Variants in HLCS observed in about 807,000 individuals in gnomAD.
The protein encoded by HLCS is biotin--protein ligase.
Under a neutral mutation model 75.0 loss-of-function variants are expected in HLCS, and 53 were observed. That is an observed-to-expected ratio of 0.71 (90% confidence interval 0.57 to 0.89). The LOEUF (loss-of-function observed/expected upper bound fraction) is 0.89, where lower values mean the gene tolerates loss of function less well. HLCS is among the 40% of genes least tolerant of loss of function. HLCS has a pLI of 0.00. For missense variants in HLCS, 966 were observed against 1,074.0 expected (o/e 0.90, Z 1.41); for synonymous variants, 431 against 428.6 (o/e 1.01, Z -0.07).
At chr21:36,801,803 T>A (rs554343659) in intron 6 of HLCS, among the ~76,000 whole-genome samples, 21 of 152,132 alleles carry the variant, frequency 1.4e-4, no homozygotes, top group South Asian at 4.2e-4. Context: ...TTAAATTTTT[T>A]AATTTCTTTT....
intron 1 of HLCS, among the ~76,000 whole-genome samples, chr21:36,963,336 A>T (rs1219165724): frequency 6.6e-6 from 1 of 152,240 alleles, no homozygotes; most frequent in Non-Finnish European, 1.5e-5. Context: ...GTAACTAGGC[A>T]GGCTCCACTG....
intron 6 of HLCS, among the ~76,000 whole-genome samples, chr21:36,856,622 A>T (rs2063202544): frequency 6.6e-6 from 1 of 152,198 alleles, no homozygotes; most frequent in Admixed American, 6.5e-5. Context: ...AAACTGTTCT[A>T]GGAAGTATAT....
At chr21:36,799,924 T>C (rs956182234) in intron 6 of HLCS, among the ~76,000 whole-genome samples, 3 of 152,218 alleles carry the variant, frequency 2.0e-5, no homozygotes, top group Admixed American at 6.5e-5. Context: ...ATAGGGTTGT[T>C]TGTGGACAAC....
chr21:36,768,761 C>A (rs920643390), intron 6 of HLCS, among the ~76,000 whole-genome samples: 9 of 152,246 alleles, frequency 5.9e-5, no homozygotes, highest in African/African-American at 2.2e-4. Flanking sequence ...CCATGAATAA[C>A]TCATTGAGAT....
Position 36,864,173 on chromosome 21 carries a change from G to A in HLCS, c.1892+32687C>T, listed in dbSNP as rs58849473. Among the ~76,000 whole-genome samples the A allele has an allele frequency of 9.1e-3, 1,387 of 152,310 alleles. 20 individuals carry two copies. Among genetic ancestry groups the A allele is most frequent in the African/African-American group, 0.028 (1,147 of 41,558 alleles). On this transcript the variant is annotated intron_variant, in intron 6 of 10. Coordinates refer to ENST00000674895, the MANE Select transcript of HLCS (RefSeq NM_001352514.2). ...CCAGCACTTTGGGAGGCTGAGGCGG[G>A]CGGATCACTTGAGGTCAGGAGTTTG...
At chr21:36,882,433 T>TTTTTG (rs759125103) in intron 6 of HLCS, among the ~76,000 whole-genome samples, 31 of 151,736 alleles carry the variant, frequency 2.0e-4, no homozygotes, top group East Asian at 1.2e-3. Context: ...TTTTGGGGTT[T>TTTTTG]TTTTGTTTTG....
At chr21:36,757,677 G>A (rs2089657651) in intron 9 of HLCS, among the ~76,000 whole-genome samples, 1 of 152,156 alleles carries the variant, frequency 6.6e-6, no homozygotes. Context: ...CAGTGTGAAG[G>A]GAAGGATTGA....
At chr21:36,954,002 T>C (rs992417022) in intron 2 of HLCS, among the ~76,000 whole-genome samples, 1 of 152,138 alleles carries the variant, frequency 6.6e-6, no homozygotes, top group Non-Finnish European at 1.5e-5. Context: ...CTGTCAGTCA[T>C]ATAAAAGTAT....
chr21:36,862,299 G>A (rs2063406275), intron 6 of HLCS, among the ~76,000 whole-genome samples: 1 of 152,190 alleles, frequency 6.6e-6, no homozygotes, highest in African/African-American at 2.4e-5. Context: ...TCTCTCTTGG[G>A]TAGGTGTCTA....
At chr21:36,771,716 T>G (rs1055117003) in intron 6 of HLCS, among the ~76,000 whole-genome samples, 4 of 152,116 alleles carry the variant, frequency 2.6e-5, no homozygotes, top group Admixed American at 2.0e-4. Flanking sequence ...TTAAAAATTA[T>G]GGCCGGGCGC....
chr21:36,954,449 C>G (rs2067824351), intron 2 of HLCS, among the ~76,000 whole-genome samples: 1 of 151,186 alleles, frequency 6.6e-6, no homozygotes, highest in Admixed American at 6.6e-5. Flanking sequence ...CCTGTCTCTA[C>G]TAAAAAAATA....
chr21:36,754,251 G>A lies in HLCS; in HGVS notation c.2617C>T (p.Arg873Trp), dbSNP rs763351170. Residue 873 changes from arginine to tryptophan, a missense_variant, in exon 11 of 11, where the codon CGG becomes TGG. Coordinates refer to ENST00000674895, the MANE Select transcript of HLCS (RefSeq NM_001352514.2). ...MLRNLILPKR[R>W] is the part of the protein sequence containing the mutation. ...CGTCTCGGGGACGCCCGGCATTACC[G>A]CCGTTTGGGGAGGATGAGGTTTCTC... 3.2e-5 allele frequency: 52 copies of A among 1,613,762 alleles called. 1 individual carries two copies. The South Asian group carries it at 4.7e-4, about 15-fold the overall frequency.
chr21:36,890,997 T>C (rs1316272725), intron 6 of HLCS, among the ~76,000 whole-genome samples: 1 of 152,214 alleles, frequency 6.6e-6, no homozygotes, highest in Non-Finnish European at 1.5e-5. Flanking sequence ...CTACCCTCCT[T>C]TCCTCCTTAG....
At chr21:36,791,411 A>G (rs1174846851) in intron 6 of HLCS, among the ~76,000 whole-genome samples, 1 of 152,270 alleles carries the variant, frequency 6.6e-6, no homozygotes, top group African/African-American at 2.4e-5. Context: ...GGTATGAACC[A>G]AAAATGAAAA....
At chr21:36,921,759 C>G (rs2056104019) in intron 5 of HLCS, among the ~76,000 whole-genome samples, 1 of 152,166 alleles carries the variant, frequency 6.6e-6, no homozygotes, top group Admixed American at 6.6e-5. Context: ...CCCCTGCACT[C>G]AGACACACAT....
At chr21:36,948,230 G>A (rs2067497190) in intron 2 of HLCS, 2 of 149,308 alleles carry the variant, frequency 1.3e-5, no homozygotes, top group Admixed American at 6.8e-5. Context: ...GGCAGAGGTT[G>A]TGGTGAGCCG....
chr21:36,897,250 A>C (rs968091722), intron 5 of HLCS, 119 bp from the exon 6 acceptor site: 50 of 955,380 alleles, frequency 5.2e-5, no homozygotes, highest in Non-Finnish European at 7.7e-5. Flanking sequence ...GACCAAGAAA[A>C]GCTAGATTAA....
At chr21:36,766,150 A>G (rs1003828290) in intron 7 of HLCS, among the ~76,000 whole-genome samples, 1 of 152,138 alleles carries the variant, frequency 6.6e-6, no homozygotes, top group African/African-American at 2.4e-5. Context: ...CAGGCTCCCA[A>G]GTAGTTGGGA....
chr21:36,896,908 A>G lies in HLCS; in HGVS notation c.1844T>C (p.Val615Ala). 1 of 1,614,150 alleles carries G rather than the reference A, an allele frequency of 6.2e-7. No individual in the cohort carries two copies. Among genetic ancestry groups the G allele is most frequent in the Non-Finnish European group, 8.5e-7 (1 of 1,180,032 alleles). ...GGGGGTCACTTCGGCAAACAAAATT[A>G]CTTTCCCCAACTGCTTGGTCTGCAG... is the stretch of plus-strand genomic sequence containing the variant. ...QNLQTKQLGK[V>A]ILFAEVTPTT... The change falls in exon 6 of 11, where the codon GTA becomes GCA. Residue 615 changes from valine (V) to alanine (A), a missense_variant. Val to Ala is a moderately conservative substitution (Grantham distance 64). Transcript: ENST00000674895.
Sources: allele counts gnomAD v4.1 joint callset (sites outside exome capture counted in the v4.1 genomes callset), GRCh38; gene constraint gnomAD v4.1.1; transcripts MANE v1.5; gene names NCBI Gene and HGNC (gene_info 2026-07-23, HGNC 2026-07-21).